Variants in ADA observed in about 807,000 individuals in gnomAD.
ADA encodes the protein adenosine aminohydrolase.
In ADA, 45 loss-of-function variants were observed where a neutral mutation model predicts 49.0. That is an observed-to-expected ratio of 0.92 (90% CI 0.72 to 1.18). ADA has a LOEUF of 1.18. Ranked by LOEUF, ADA falls within the 50% of genes most tolerant of loss-of-function variation. The pLI is 0.00. For missense variants in ADA, 445 were observed against 472.5 expected (o/e 0.94, Z 0.54); for synonymous variants, 173 against 184.2 (o/e 0.94, Z 0.49).
chr20:44,626,312 A>G, intron 4 of ADA, 144 bp downstream of exon 4: 1 of 1,159,556 alleles, frequency 8.6e-7, no homozygotes, highest in Non-Finnish European at 1.3e-6. Context: ...AGTTAAACCC[A>G]TCTTTCTGAG....
At chr20:44,628,670 T>C (rs1438642341) in intron 3 of ADA, among the ~76,000 whole-genome samples, 1 of 152,082 alleles carries the variant, frequency 6.6e-6, no homozygotes, top group Non-Finnish European at 1.5e-5. Context: ...AAAAAGCCTT[T>C]TGGAGAATCT....
At chr20:44,651,505 G>A in intron 1 of ADA, 70 bp downstream of exon 1, 3 of 1,452,468 alleles carry the variant, frequency 2.1e-6, no homozygotes, top group Non-Finnish European at 2.8e-6. Flanking sequence ...GCCCCGGGCT[G>A]GGCCCCGCTA....
intron 6 of ADA, 44 bp from the exon 7 acceptor site, chr20:44,623,122 C>A (rs764810196): frequency 1.2e-6 from 2 of 1,611,912 alleles, no homozygotes; most frequent in Middle Eastern, 1.9e-4. Context: ...AGCGGGAGGG[C>A]CCCGGCAGGC....
At chr20:44,636,098 TG>T in intron 2 of ADA, 128 bp downstream of exon 2, 1 of 895,242 alleles carries the variant, frequency 1.1e-6, no homozygotes, top group Non-Finnish European at 1.8e-6. Context: ...ACTTCTGGCC[TG>T]GAGCTGGCTT....
chr20:44,626,546 G>C lies in ADA; in HGVS notation c.272C>G (p.Ala91Gly). Residue 91 changes from alanine (A) to glycine (G), a missense_variant, in exon 4 of 12, where the codon GCC becomes GGC. Transcript: ENST00000372874. Reference sequence around the variant, plus strand: ...CTCCACATACACCACGCCCTCTTTGGCCTTCATCTCTACAAACTCATAGGC... The same window carrying C: ...CTCCACATACACCACGCCCTCTTTGCCCTTCATCTCTACAAACTCATAGGC... ...RIAYEFVEMK[A>G]KEGVVYVEVR... is the part of the protein sequence containing the mutation. 6.2e-7 allele frequency: 1 copy of C among 1,614,166 alleles called. No individual in the cohort carries two copies. Among genetic ancestry groups the C allele is most frequent in the South Asian group, 1.1e-5 (1 of 91,080 alleles).
At chr20:44,649,257 A>G in intron 1 of ADA, among the ~76,000 whole-genome samples, 1 of 152,054 alleles carries the variant, frequency 6.6e-6, no homozygotes, top group Non-Finnish European at 1.5e-5. Context: ...TAGTAATGCT[A>G]ATAATTATAA....
chr20:44,637,986 C>G (rs898113837), intron 1 of ADA, among the ~76,000 whole-genome samples: 2 of 152,170 alleles, frequency 1.3e-5, no homozygotes, highest in Non-Finnish European at 1.5e-5. Flanking sequence ...GGCAAGGGAC[C>G]TCAACTCTCT....
intron 1 of ADA, among the ~76,000 whole-genome samples, chr20:44,636,534 G>A (rs1193762165): frequency 6.6e-6 from 1 of 152,088 alleles, no homozygotes; most frequent in East Asian, 1.9e-4. Flanking sequence ...GGACACTGAG[G>A]TTCGGAGGTG....
Position 44,626,377 on chromosome 20 carries a change from AGCAGTTC to A in ADA, c.362+72_362+78del. ...GGTCTTGCTTGGGTCAGGGATTCCCAGCAGTTCGCCCTTCCAGTCTCAGAGCTGAGCC... is the reference window on the plus strand; with the variant it reads ...GGTCTTGCTTGGGTCAGGGATTCCCAGCCCTTCCAGTCTCAGAGCTGAGCC... On this transcript the variant is annotated intron_variant, in intron 4 of 11. Transcript: ENST00000372874. 13 of 1,602,172 alleles carry A rather than the reference AGCAGTTC, an allele frequency of 8.1e-6. No homozygotes were observed. In the South Asian group the frequency reaches 1.2e-4, roughly 15 times the overall value.
intron 9 of ADA, among the ~76,000 whole-genome samples, chr20:44,621,826 T>C (rs752804483): frequency 1.3e-5 from 2 of 152,166 alleles, no homozygotes; most frequent in Admixed American, 6.5e-5. Flanking sequence ...TCAGCCACCA[T>C]ATCTGTGCAG....
chr20:44,627,763 A>C (rs1263782211), intron 3 of ADA, among the ~76,000 whole-genome samples: 1 of 152,198 alleles, frequency 6.6e-6, no homozygotes, highest in African/African-American at 2.4e-5. Flanking sequence ...ACAGCTGGAC[A>C]AGTCCAGAGG....
chr20:44,631,730 T>C (rs1268840822), intron 2 of ADA, among the ~76,000 whole-genome samples: 4 of 152,258 alleles, frequency 2.6e-5, no homozygotes, highest in African/African-American at 7.2e-5. Flanking sequence ...ACTCATCTCC[T>C]TTGGTGGTTT....
chr20:44,624,161 C>T (rs757644438), intron 6 of ADA, 41 bp downstream of exon 6: 3 of 1,575,992 alleles, frequency 1.9e-6, no homozygotes, highest in Non-Finnish European at 2.6e-6. Flanking sequence ...GAGACAAGCT[C>T]ACCCAGGGCC....
chr20:44,651,497 C>T, intron 1 of ADA, 78 bp downstream of exon 1: 2 of 1,428,480 alleles, frequency 1.4e-6, no homozygotes, highest in South Asian at 1.2e-5. Context: ...GTTTGGACGC[C>T]CCGGGCTGGG....
chr20:44,626,414 A>G, intron 4 of ADA, 42 bp downstream of exon 4: 1 of 1,612,664 alleles, frequency 6.2e-7, no homozygotes. Flanking sequence ...TGAGCCTCCC[A>G]GCCACACCCT....
At chr20:44,642,479 GGA>G (rs1186854004) in intron 1 of ADA, among the ~76,000 whole-genome samples, 2 of 152,354 alleles carry the variant, frequency 1.3e-5, no homozygotes, top group East Asian at 3.9e-4. Flanking sequence ...GAAGAAAGAA[GGA>G]GAGGGAGAAT....
chr20:44,635,596 T>C (rs1317630184), intron 2 of ADA, among the ~76,000 whole-genome samples: 1 of 152,118 alleles, frequency 6.6e-6, no homozygotes, highest in Non-Finnish European at 1.5e-5. Flanking sequence ...ATATAGGCTC[T>C]CAGTTAAGTC....
chr20:44,628,270 A>G (rs1006059385), intron 3 of ADA, among the ~76,000 whole-genome samples: 1 of 152,198 alleles, frequency 6.6e-6, no homozygotes, highest in African/African-American at 2.4e-5. Flanking sequence ...CACGCCTGTA[A>G]TCCCAGCATT....
intron 3 of ADA, 109 bp from the exon 4 acceptor site, chr20:44,626,708 A>C: frequency 1.4e-6 from 2 of 1,389,234 alleles, no homozygotes; most frequent in South Asian, 1.2e-5. Flanking sequence ...TTCATCCCCC[A>C]GACCCAAGCT....
Sources: allele counts gnomAD v4.1 joint callset (sites outside exome capture counted in the v4.1 genomes callset), GRCh38; gene constraint gnomAD v4.1.1; transcripts MANE v1.5; gene names NCBI Gene and HGNC (gene_info 2026-07-23, HGNC 2026-07-21).